The following RERE variants were observed in gnomAD, a reference collection of about 807,000 sequenced individuals.
RERE encodes the protein arginine-glutamic acid dipeptide repeats, also known as arginine-glutamic acid dipeptide repeats protein.
RERE carries 40 observed loss-of-function variants against 146.1 expected under a neutral mutation model. That is an observed-to-expected ratio of 0.27 (90% CI 0.21 to 0.36). The LOEUF is 0.36. Among genes scored for constraint, RERE ranks in the 10% least tolerant of loss-of-function variants. The pLI is 1.00. For synonymous variants in RERE, 1,003 were observed against 866.0 expected (o/e 1.16, Z -2.78); for missense variants, 1,933 against 2,138.7 (o/e 0.90, Z 1.90).
intron 12 of RERE, among the ~76,000 whole-genome samples, chr1:8,402,008 C>T (rs992558736): frequency 6.6e-6 from 1 of 152,106 alleles, no homozygotes; most frequent in Admixed American, 6.5e-5. Flanking sequence ...GTAGCTGGGG[C>T]TACAGGCGTG....
At chr1:8,462,323 ACT>A (rs1405299383) in intron 11 of RERE, among the ~76,000 whole-genome samples, 1 of 152,230 alleles carries the variant, frequency 6.6e-6, no homozygotes, top group African/African-American at 2.4e-5. Flanking sequence ...AGGACAATCA[ACT>A]CAGAAATAAG....
rs1358411736 is a variant in RERE, at chr1:8,354,490, G to A, written c.*597C>T. On this transcript the variant is annotated 3_prime_UTR_variant, in exon 23 of 23. Transcript: ENST00000400908. ...GAATTCACAATTAGTGACATGGCTGGAAAAAATAGATCACAATAGTAGTTT... is the reference window on the plus strand; with the variant it reads ...GAATTCACAATTAGTGACATGGCTGAAAAAAATAGATCACAATAGTAGTTT... 1 of 152,016 alleles carries A rather than the reference G, an allele frequency of 6.6e-6. No homozygotes were observed. Among genetic ancestry groups the A allele is most frequent in the Non-Finnish European group, 1.5e-5 (1 of 68,008 alleles). 9.4% of individuals were successfully genotyped at this position (152,016 alleles called of 1,614,324 possible).
intron 11 of RERE, among the ~76,000 whole-genome samples, chr1:8,462,728 T>C (rs1237511899): frequency 6.6e-6 from 1 of 152,162 alleles, no homozygotes; most frequent in Non-Finnish European, 1.5e-5. Context: ...AACAAATTAA[T>C]ATGCCAGCGG....
intron 1 of RERE, among the ~76,000 whole-genome samples, chr1:8,691,658 A>C (rs1639209823): frequency 1.3e-5 from 2 of 152,214 alleles, no homozygotes; most frequent in South Asian, 4.1e-4. Flanking sequence ...TATTACACCA[A>C]TACTCAAAGA....
intron 3 of RERE, among the ~76,000 whole-genome samples, chr1:8,621,495 C>T (rs1646915469): frequency 6.6e-6 from 1 of 152,160 alleles, no homozygotes. Context: ...TCATAACGGG[C>T]ATTCACCCAG....
intron 1 of RERE, among the ~76,000 whole-genome samples, chr1:8,801,265 A>C (rs75528934): frequency 0.035 from 3,918 of 112,386 alleles, 161 homozygotes; most frequent in African/African-American, 0.15. Flanking sequence ...GTCTCAAAAA[A>C]AATTGTTCTT....
intron 1 of RERE, among the ~76,000 whole-genome samples, chr1:8,668,494 G>A (rs960843644): frequency 6.6e-6 from 1 of 152,058 alleles, no homozygotes; most frequent in African/African-American, 2.4e-5. Flanking sequence ...TCTTGAAAGG[G>A]GAAAAGAATC....
intron 4 of RERE, among the ~76,000 whole-genome samples, chr1:8,601,659 CACACACACACACAT>C (rs1455830181): frequency 1.4e-5 from 2 of 147,226 alleles, no homozygotes; most frequent in Admixed American, 6.7e-5. Context: ...CACACACACA[CACACACACACACAT>C]CTTCCTTCCA....
chr1:8,743,015 C>G (rs533021483), intron 1 of RERE, among the ~76,000 whole-genome samples: 1 of 152,160 alleles, frequency 6.6e-6, no homozygotes, highest in South Asian at 2.1e-4. Flanking sequence ...GTTTAATCCT[C>G]GAGACATATT....
At chr1:8,357,867 G>A (rs1353687396) in intron 20 of RERE, among the ~76,000 whole-genome samples, 1 of 152,248 alleles carries the variant, frequency 6.6e-6, no homozygotes, top group Non-Finnish European at 1.5e-5. Flanking sequence ...TGGCTCCAAA[G>A]GCCACATGAC....
rs148510143 is a variant in RERE at position 8,355,448 on chromosome 1, G to A, written c.4638C>T (p.Gly1546=). ...WLHGHPHMHG[G]HLPSQEDYYS... ...AATAATCTTCCTGACTTGGTAGGTGGCCACCATGCATGTGGGGGTGTCCAT... is the reference window on the plus strand; with the variant it reads ...AATAATCTTCCTGACTTGGTAGGTGACCACCATGCATGTGGGGGTGTCCAT... The change falls in exon 22 of 23, where the codon GGC becomes GGT. Residue 1546 remains glycine (G), a synonymous_variant. Coordinates refer to ENST00000400908, the MANE Select transcript of RERE (RefSeq NM_001042681.2). The A allele has an allele frequency of 1.3e-5, 21 of 1,612,884 alleles. No homozygotes were observed. The African/African-American group carries it at 2.5e-4, about 19-fold the overall frequency.
chr1:8,556,425 G>A (rs755401681), intron 6 of RERE, 50 bp downstream of exon 6: 1 of 1,047,030 alleles, frequency 9.6e-7, no homozygotes. Context: ...TCCACCTCCT[G>A]CACTCAGTGA....
chr1:8,373,264 C>G (rs1402759980), intron 12 of RERE, among the ~76,000 whole-genome samples: 1 of 152,142 alleles, frequency 6.6e-6, no homozygotes, highest in Non-Finnish European at 1.5e-5. Context: ...ATAATCTCTA[C>G]ACAATGCCTT....
chr1:8,780,550 G>T (rs554260224), intron 1 of RERE, among the ~76,000 whole-genome samples: 2 of 152,208 alleles, frequency 1.3e-5, no homozygotes, highest in Admixed American at 1.3e-4. Flanking sequence ...GCCATCCAGG[G>T]TATACCAAAA....
At chr1:8,676,115 C>G (rs1434364411) in intron 1 of RERE, among the ~76,000 whole-genome samples, 1 of 151,956 alleles carries the variant, frequency 6.6e-6, no homozygotes, top group Admixed American at 6.5e-5. Flanking sequence ...AATTAAATAC[C>G]CACAGTAAAT....
At chr1:8,475,696 A>G (rs1042048722) in intron 10 of RERE, among the ~76,000 whole-genome samples, 5 of 152,158 alleles carry the variant, frequency 3.3e-5, no homozygotes, top group African/African-American at 9.6e-5. Context: ...AGAAAAAAAA[A>G]AAAAGAAAAG....
chr1:8,741,228 A>G (rs1357337271), intron 1 of RERE, among the ~76,000 whole-genome samples: 3 of 152,210 alleles, frequency 2.0e-5, no homozygotes, highest in African/African-American at 4.8e-5. Flanking sequence ...ACATGACCAT[A>G]ATTCCTTATT....
intron 1 of RERE, among the ~76,000 whole-genome samples, chr1:8,791,910 T>G (rs1177067121): frequency 1.3e-5 from 2 of 152,136 alleles, no homozygotes; most frequent in Non-Finnish European, 2.9e-5. Context: ...GAATTTATCA[T>G]CAACAGAACA....
At chr1:8,595,815 A>G (rs1217995138) in intron 4 of RERE, among the ~76,000 whole-genome samples, 1 of 152,196 alleles carries the variant, frequency 6.6e-6, no homozygotes, top group South Asian at 2.1e-4. Flanking sequence ...AAAAGGATGC[A>G]TCAACTCAAA....
Sources: gnomAD v4.1 joint callset for allele counts (sites outside exome capture counted in the v4.1 genomes callset) on GRCh38, gnomAD v4.1.1 for gene constraint, MANE v1.5 for transcripts, NCBI Gene and HGNC (gene_info 2026-07-23, HGNC 2026-07-21) for gene names.